THEMIS: variants seen among roughly 807,000 people sequenced by gnomAD.
The protein encoded by THEMIS is thymocyte selection associated.
A neutral mutation model predicts 52.6 loss-of-function variants in THEMIS; 37 were observed. The ratio of observed to expected loss-of-function variants is 0.70; its 90% CI spans 0.54 to 0.93. The LOEUF (loss-of-function observed/expected upper bound fraction) is 0.93, where lower values mean the gene tolerates loss of function less well. THEMIS is among the 40% of genes least tolerant of loss of function. The pLI is 0.00. For synonymous variants in THEMIS, 292 were observed against 272.7 expected, an observed-to-expected ratio of 1.07 and a Z score of -0.70; for missense variants, 808 against 763.1, an observed-to-expected ratio of 1.06 and a Z score of -0.69.
intron 1 of THEMIS, among the ~76,000 whole-genome samples, chr6:127,918,171 C>T (rs538699717): frequency 1.6e-4 from 24 of 152,290 alleles, no homozygotes; most frequent in African/African-American, 5.8e-4. Flanking sequence ...AAGGCACAGA[C>T]TTGCAACATT....
chr6:127,825,976 A>G (rs138403517), intron 3 of THEMIS, among the ~76,000 whole-genome samples: 2 of 152,346 alleles, frequency 1.3e-5, no homozygotes, highest in Admixed American at 1.3e-4. Flanking sequence ...TGTCACAATA[A>G]TGAAAATATT....
At chr6:127,747,574 T>C (rs774822865) in intron 4 of THEMIS, among the ~76,000 whole-genome samples, 114 of 151,656 alleles carry the variant, frequency 7.5e-4, no homozygotes, top group Middle Eastern at 3.5e-3. Flanking sequence ...TTAAGGTAAT[T>C]AACCATCTAT....
intron 5 of THEMIS, among the ~76,000 whole-genome samples, chr6:127,717,873 C>G (rs1774226334): frequency 6.6e-6 from 1 of 150,776 alleles, no homozygotes; most frequent in Non-Finnish European, 1.5e-5. Flanking sequence ...GCAACTGTTA[C>G]TCTCGTCAAA....
chr6:127,817,309 A>G (rs1778169632), intron 3 of THEMIS, among the ~76,000 whole-genome samples: 1 of 152,220 alleles, frequency 6.6e-6, no homozygotes. Context: ...GCAATTCAGT[A>G]AATATATTCT....
intron 1 of THEMIS, among the ~76,000 whole-genome samples, chr6:127,862,334 A>G (rs1410604955): frequency 6.6e-6 from 1 of 151,796 alleles, no homozygotes; most frequent in Non-Finnish European, 1.5e-5. Flanking sequence ...GTATGAGTTA[A>G]TGCTGATCCT....
chr6:127,850,593 G>A (rs569593935), intron 2 of THEMIS, among the ~76,000 whole-genome samples: 2 of 151,872 alleles, frequency 1.3e-5, no homozygotes, highest in Admixed American at 6.6e-5. Flanking sequence ...CAGCAACTTG[G>A]ATGGAGTTGG....
chr6:127,748,834 T>C (rs957670875), intron 4 of THEMIS, among the ~76,000 whole-genome samples: 1 of 152,132 alleles, frequency 6.6e-6, no homozygotes, highest in African/African-American at 2.4e-5. Context: ...ACTATTTAGA[T>C]GCTTTATTGA....
chr6:127,825,119 T>C (rs1778464010), intron 3 of THEMIS, among the ~76,000 whole-genome samples: 2 of 151,976 alleles, frequency 1.3e-5, no homozygotes, highest in African/African-American at 2.4e-5. Context: ...AAATTTTCCC[T>C]GGAGGTAAAC....
chr6:127,722,932 C>T (rs969762669), intron 4 of THEMIS, among the ~76,000 whole-genome samples: 1 of 152,032 alleles, frequency 6.6e-6, no homozygotes, highest in Non-Finnish European at 1.5e-5. Flanking sequence ...GATCTCCTTA[C>T]TACAAATGAA....
chr6:127,701,661 T>C, the THEMIS span, among the ~76,000 whole-genome samples: 1 of 152,286 alleles, frequency 6.6e-6, no homozygotes, highest in South Asian at 2.1e-4. Context: ...CCACCAGTAA[T>C]ATGTGAGAGT....
chr6:127,760,636 T>C (rs1775989594), intron 4 of THEMIS, among the ~76,000 whole-genome samples: 1 of 151,954 alleles, frequency 6.6e-6, no homozygotes, highest in South Asian at 2.1e-4. Flanking sequence ...AATTAAAAAC[T>C]AGCCAGGCAT....
intron 1 of THEMIS, 52 bp downstream of exon 1, chr6:127,900,789 AT>A: frequency 6.6e-7 from 1 of 1,521,376 alleles, no homozygotes; most frequent in Non-Finnish European, 9.1e-7. Flanking sequence ...ATTTTCAAAA[AT>A]GTATACTTTA....
chr6:127,832,801 T>TTTTTTTTTTC (rs869101109), intron 2 of THEMIS, among the ~76,000 whole-genome samples: 1 of 127,486 alleles, frequency 7.8e-6, no homozygotes, highest in African/African-American at 2.8e-5. Flanking sequence ...TTTTTTTTTT[T>TTTTTTTTTTC]GAGATGGAGT....
downstream of THEMIS, among the ~76,000 whole-genome samples, chr6:127,704,542 T>A (rs182442400): frequency 2.8e-4 from 42 of 152,338 alleles, no homozygotes; most frequent in Non-Finnish European, 8.8e-5. Context: ...TTTGAAAAGC[T>A]GCTGCCAACA....
At chr6:127,790,568 A>C (rs1777121650) in intron 4 of THEMIS, among the ~76,000 whole-genome samples, 1 of 152,216 alleles carries the variant, frequency 6.6e-6, no homozygotes, top group African/African-American at 2.4e-5. Context: ...TCTGTAAGGA[A>C]GATGCTCTTC....
chr6:127,816,111 T>C (rs1290921687), intron 3 of THEMIS, among the ~76,000 whole-genome samples: 2 of 152,198 alleles, frequency 1.3e-5, no homozygotes, highest in Non-Finnish European at 1.5e-5. Flanking sequence ...CTCAGCAGCA[T>C]TTGACAAAGT....
chr6:127,734,848 G>A (rs557839170), intron 4 of THEMIS, among the ~76,000 whole-genome samples: 10 of 117,670 alleles, frequency 8.5e-5, no homozygotes, highest in Admixed American at 3.3e-4. Flanking sequence ...CAGCCTGGGC[G>A]ATAGAGCAAG....
intron 4 of THEMIS, among the ~76,000 whole-genome samples, chr6:127,720,453 G>A (rs1469065383): frequency 1.3e-5 from 2 of 151,902 alleles, no homozygotes; most frequent in African/African-American, 4.8e-5. Flanking sequence ...ATGCTTCAAA[G>A]AATCATCAGA....
chr6:127,915,035 TCTTACACAGATTGA>T (rs1318909285), intron 1 of THEMIS, among the ~76,000 whole-genome samples: 1 of 152,198 alleles, frequency 6.6e-6, no homozygotes, highest in Non-Finnish European at 1.5e-5. Context: ...ATAATTTTAA[TCTTACACAGATTGA>T]GGTCCCATTG....
Sources: gnomAD v4.1 joint callset for allele counts (sites outside exome capture counted in the v4.1 genomes callset) on GRCh38, gnomAD v4.1.1 for gene constraint, MANE v1.5 for transcripts, NCBI Gene and HGNC (gene_info 2026-07-23, HGNC 2026-07-21) for gene names.